Variants in HECW2 observed in about 807,000 individuals in gnomAD.
HECW2 encodes E3 ubiquitin-protein ligase HECW2.
Under a neutral mutation model 175.2 loss-of-function variants are expected in HECW2, and 61 were observed. The observed-to-expected ratio is 0.35, with a 90% confidence interval of 0.28 to 0.43. HECW2 has a LOEUF of 0.43. Ranked by LOEUF, HECW2 falls within the 20% of genes least tolerant of loss-of-function variation. HECW2 has a pLI of 1.00. For missense variants in HECW2, 1,524 were observed against 2,000.5 expected (o/e 0.76, Z 4.54); for synonymous variants, 671 against 731.0 (o/e 0.92, Z 1.32).
At chr2:196,528,725 G>T (rs1051327131) in intron 1 of HECW2, among the ~76,000 whole-genome samples, 9 of 152,162 alleles carry the variant, frequency 5.9e-5, no homozygotes, top group Middle Eastern at 3.2e-3. Context: ...GGTCATGCCT[G>T]GTTCTTTTCC....
At chr2:196,295,454 C>T (rs573294647) in intron 13 of HECW2, among the ~76,000 whole-genome samples, 17 of 152,334 alleles carry the variant, frequency 1.1e-4, no homozygotes, top group Non-Finnish European at 1.2e-4. Flanking sequence ...TGAGACCACA[C>T]TAGTTTGTGT....
At chr2:196,415,322 A>G (rs1695225096) in intron 2 of HECW2, among the ~76,000 whole-genome samples, 1 of 152,232 alleles carries the variant, frequency 6.6e-6, no homozygotes, top group Admixed American at 6.5e-5. Context: ...TGAGATTGAA[A>G]AAATGGCATT....
At position 196,322,558 on chromosome 2, in the gene HECW2, G is replaced by A; in HGVS notation, c.804C>T (p.Ala268=). ...AACGCTTGATGATGGGACGGCTCTT[G>A]GCAAATTTGTCTTTAATTTCAATTT... ...VLEIEIKDKF[A]KSRPIIKRFL... is the part of the protein sequence containing the mutation. Residue 268 remains alanine, a synonymous_variant, in exon 7 of 29, where the codon GCC becomes GCT. Coordinates refer to ENST00000644978, the MANE Select transcript of HECW2 (RefSeq NM_001348768.2). The A allele has an allele frequency of 6.2e-7, 1 of 1,613,620 alleles. No individual in the cohort carries two copies. Among genetic ancestry groups the A allele is most frequent in the Non-Finnish European group, 8.5e-7 (1 of 1,179,672 alleles).
chr2:196,284,869 T>C (rs1690324241), intron 14 of HECW2, among the ~76,000 whole-genome samples: 1 of 136,658 alleles, frequency 7.3e-6, no homozygotes. Context: ...AAGAAAAATA[T>C]GGAAAAATAG....
intron 28 of HECW2, among the ~76,000 whole-genome samples, chr2:196,202,053 G>GA (rs1373655131): frequency 6.6e-6 from 1 of 151,744 alleles, no homozygotes; most frequent in Non-Finnish European, 1.5e-5. Context: ...GCCAAGATAG[G>GA]AAAAAAATAT....
chr2:196,263,032 T>TC (rs397934308), intron 17 of HECW2: 7 of 151,750 alleles, frequency 4.6e-5, no homozygotes, highest in Admixed American at 2.6e-4. Flanking sequence ...CTTTTTTTTT[T>TC]CTTTTTTTCC....
rs143507476 is a variant in HECW2, at chr2:196,366,966, T to G, written c.293-23202A>C. On this transcript the variant is annotated intron_variant, in intron 2 of 28. Coordinates refer to ENST00000644978, the MANE Select transcript of HECW2 (RefSeq NM_001348768.2). ...TTAAGATGAAACTAGTAGAGAAAGA[T>G]GTAAAATTATTTTATCTGTGTATAT... 2.0e-3 allele frequency among the ~76,000 whole-genome samples: 301 copies of G among 152,320 alleles called. 1 individual carries two copies. The highest frequency in any genetic ancestry group is 6.7e-3 in the African/African-American group (277 of 41,580).
chr2:196,251,690 A>G (rs768926494), intron 19 of HECW2, among the ~76,000 whole-genome samples: 2 of 152,004 alleles, frequency 1.3e-5, no homozygotes, highest in African/African-American at 2.4e-5. Context: ...TGCATCCTAC[A>G]TATCCCTTCA....
chr2:196,435,371 G>T (rs1369520597), intron 1 of HECW2, among the ~76,000 whole-genome samples: 1 of 152,112 alleles, frequency 6.6e-6, no homozygotes, highest in Non-Finnish European at 1.5e-5. Context: ...CTTTCAACAG[G>T]CCATTATTTC....
At chr2:196,236,153 A>G (rs1688245848) in intron 21 of HECW2, among the ~76,000 whole-genome samples, 11 of 152,214 alleles carry the variant, frequency 7.2e-5, no homozygotes, top group Admixed American at 7.2e-4. Context: ...CAATGCCACT[A>G]CTAATTTGGA....
intron 14 of HECW2, among the ~76,000 whole-genome samples, chr2:196,285,707 A>G (rs1203866488): frequency 6.6e-6 from 1 of 152,192 alleles, no homozygotes; most frequent in East Asian, 1.9e-4. Context: ...TTTGTCACAA[A>G]TAGTGGAGAT....
At chr2:196,234,949 C>G (rs947186910) in intron 21 of HECW2, among the ~76,000 whole-genome samples, 3 of 152,154 alleles carry the variant, frequency 2.0e-5, no homozygotes, top group African/African-American at 7.2e-5. Flanking sequence ...ACCTCCAGCT[C>G]TAACCAAATT....
intron 6 of HECW2, among the ~76,000 whole-genome samples, chr2:196,323,799 A>G (rs1692036435): frequency 6.6e-6 from 1 of 151,904 alleles, no homozygotes; most frequent in African/African-American, 2.4e-5. Context: ...TGCTTGTTTC[A>G]TTATCATATC....
At chr2:196,329,287 C>T (rs1331302126) in intron 5 of HECW2, among the ~76,000 whole-genome samples, 3 of 152,044 alleles carry the variant, frequency 2.0e-5, no homozygotes, top group Non-Finnish European at 4.4e-5. Flanking sequence ...AATCAAAGCT[C>T]CTCAGTGAGG....
intron 1 of HECW2, among the ~76,000 whole-genome samples, chr2:196,516,525 T>TA (rs1455314101): frequency 6.6e-6 from 1 of 152,224 alleles, no homozygotes; most frequent in Non-Finnish European, 1.5e-5. Flanking sequence ...AATCAAATAA[T>TA]AAAAAGTCTG....
intron 14 of HECW2, among the ~76,000 whole-genome samples, chr2:196,285,854 G>A (rs964617345): frequency 1.3e-5 from 2 of 152,150 alleles, no homozygotes; most frequent in African/African-American, 4.8e-5. Flanking sequence ...AAAGTATTAC[G>A]TTTAACTGCT....
At chr2:196,573,427 G>A (rs1446162958) in intron 1 of HECW2, among the ~76,000 whole-genome samples, 1 of 151,596 alleles carries the variant, frequency 6.6e-6, no homozygotes, top group Non-Finnish European at 1.5e-5. Context: ...AGCATCACAG[G>A]ACCCTTGAAA....
intron 2 of HECW2, among the ~76,000 whole-genome samples, chr2:196,410,133 T>C (rs1559094379): frequency 6.6e-6 from 1 of 152,124 alleles, no homozygotes; most frequent in Non-Finnish European, 1.5e-5. Context: ...TTGTGCAAGG[T>C]TTCATCCTGA....
At chr2:196,455,407 C>A (rs2125314885) in intron 1 of HECW2, among the ~76,000 whole-genome samples, 1 of 152,300 alleles carries the variant, frequency 6.6e-6, no homozygotes, top group East Asian at 1.9e-4. Context: ...ATTTCTATAT[C>A]TTCCTGATTT....
Sources: allele counts gnomAD v4.1 joint callset (sites outside exome capture counted in the v4.1 genomes callset), GRCh38; gene constraint gnomAD v4.1.1; transcripts MANE v1.5; gene names NCBI Gene and HGNC (gene_info 2026-07-23, HGNC 2026-07-21).